Variants in DHRSX observed in about 807,000 individuals in gnomAD.
DHRSX encodes dehydrogenase/reductase X-linked.
DHRSX carries 31 observed loss-of-function variants against 34.0 expected under a neutral mutation model. The ratio of observed to expected loss-of-function variants is 0.91; its 90% CI spans 0.69 to 1.23. The LOEUF (loss-of-function observed/expected upper bound fraction) is 1.23. Among genes scored for constraint, DHRSX ranks in the 50% most tolerant of loss-of-function variants. The pLI is 0.00. For synonymous variants in DHRSX, 201 were observed against 183.8 expected (o/e 1.09, Z -0.76); for missense variants, 414 against 428.1 (o/e 0.97, Z 0.29).
At chrX:2,240,077 G>A (rs1342008555) in intron 6 of DHRSX, among the ~76,000 whole-genome samples, 5 of 151,796 alleles carry the variant, frequency 3.3e-5, no homozygotes, top group African/African-American at 4.8e-5. Flanking sequence ...CGGATCACCC[G>A]AAGTCAGGAG....
At position 2,457,975 on chromosome X, in the gene DHRSX, G is replaced by A. The variant is rs1275452404; in HGVS notation, c.110-32671C>T. Reference sequence around the variant, plus strand: ...AGACATTCCCTAAGCTTGTGGCTAAGGGACCACCGCAGTGTGCACACTGAA... The same window carrying A: ...AGACATTCCCTAAGCTTGTGGCTAAAGGACCACCGCAGTGTGCACACTGAA... On this transcript the variant is annotated intron_variant, in intron 1 of 6. Transcript: ENST00000334651. Among the ~76,000 whole-genome samples the A allele has an allele frequency of 5.3e-5, 8 of 150,706 alleles. 1 individual carries two copies. The highest frequency in any genetic ancestry group is 1.2e-4 in the Non-Finnish European group (8 of 67,660).
intron 3 of DHRSX, among the ~76,000 whole-genome samples, chrX:2,301,265 T>G (rs1389817508): frequency 1.3e-5 from 2 of 152,116 alleles, no homozygotes; most frequent in Non-Finnish European, 2.9e-5. Flanking sequence ...ATATAAAACT[T>G]AGCTGGGCAT....
chrX:2,235,735 A>G (rs1253434253), intron 6 of DHRSX, among the ~76,000 whole-genome samples: 1 of 41,372 alleles, frequency 2.4e-5, no homozygotes, highest in African/African-American at 1.0e-4. Context: ...AGAGCATCTC[A>G]GGGGAAAAAA....
intron 6 of DHRSX, among the ~76,000 whole-genome samples, chrX:2,237,912 C>A (rs1191290661): frequency 1.3e-5 from 2 of 152,042 alleles, no homozygotes; most frequent in Non-Finnish European, 2.9e-5. Context: ...GTAGGGGGTA[C>A]TGAGTTTCAC....
intron 3 of DHRSX, among the ~76,000 whole-genome samples, chrX:2,336,230 G>C (rs1055910079): frequency 9.9e-5 from 15 of 151,832 alleles, no homozygotes; most frequent in Admixed American, 2.6e-4. Context: ...GGATGGTCTC[G>C]ATCTACTGAC....
intron 5 of DHRSX, among the ~76,000 whole-genome samples, chrX:2,254,843 A>G (rs1306225859): frequency 6.7e-6 from 1 of 149,898 alleles, no homozygotes; most frequent in Non-Finnish European, 1.5e-5. Context: ...GTGGGGTTTC[A>G]CCACATTGGC....
chrX:2,256,801 AAGC>A (rs2041285951), intron 5 of DHRSX, among the ~76,000 whole-genome samples: 2 of 152,158 alleles, frequency 1.3e-5, no homozygotes, highest in African/African-American at 2.4e-5. Context: ...CAAAAAAAAA[AAGC>A]AGTATATTTT....
At chrX:2,258,734 G>A (rs1333253294) in intron 5 of DHRSX, among the ~76,000 whole-genome samples, 1 of 152,128 alleles carries the variant, frequency 6.6e-6, no homozygotes, top group Non-Finnish European at 1.5e-5. Flanking sequence ...CCTAAGCTAT[G>A]AACGATGAAA....
chrX:2,356,664 C>T (rs1427381315), intron 3 of DHRSX, among the ~76,000 whole-genome samples: 1 of 152,132 alleles, frequency 6.6e-6, no homozygotes, highest in Non-Finnish European at 1.5e-5. Context: ...AAAGCCAGAC[C>T]AACCTCCCTC....
At chrX:2,483,735 G>T (rs2044810097) in intron 1 of DHRSX, among the ~76,000 whole-genome samples, 1 of 148,448 alleles carries the variant, frequency 6.7e-6, no homozygotes, top group South Asian at 2.1e-4. Flanking sequence ...TCTCAAACCA[G>T]GACAAATAAG....
intron 3 of DHRSX, among the ~76,000 whole-genome samples, chrX:2,399,742 AC>A (rs376949771): frequency 0.45 from 43,673 of 97,112 alleles, 11,652 homozygotes; most frequent in Middle Eastern, 0.62. Flanking sequence ...AAAAAAAAAA[AC>A]AAAAAAACAC....
chrX:2,368,449 G>A (rs1357386226), intron 3 of DHRSX, among the ~76,000 whole-genome samples: 1 of 152,100 alleles, frequency 6.6e-6, no homozygotes, highest in Admixed American at 6.6e-5. Flanking sequence ...TGTGTGAAAT[G>A]TTTTATAATG....
At chrX:2,430,077 T>C (rs150419116) in intron 1 of DHRSX, among the ~76,000 whole-genome samples, 410 of 151,004 alleles carry the variant, frequency 2.7e-3, no homozygotes, top group African/African-American at 9.3e-3. Flanking sequence ...GCAAAACCTA[T>C]ATCAGGAAAC....
chrX:2,468,416 C>T (rs1011760011), intron 1 of DHRSX, among the ~76,000 whole-genome samples: 7 of 150,606 alleles, frequency 4.6e-5, no homozygotes, highest in Non-Finnish European at 8.9e-5. Flanking sequence ...ACAGAGGAAA[C>T]GGATACCACA....
At position 2,489,495 on chromosome X, in the gene DHRSX, C is replaced by T. The variant is rs773951450; in HGVS notation, c.109+11322G>A. ...GGGTACCTGGAGGCCGACAGCATCT[C>T]GGCCACCTGCTTGAAGGGCTGCAGG... On this transcript the variant is annotated intron_variant, in intron 1 of 6. Transcript: ENST00000334651. 22 of 1,613,432 alleles carry T rather than the reference C, an allele frequency of 1.4e-5. No individual in the cohort carries two copies. In the Admixed American group the frequency reaches 2.3e-4, roughly 17 times the overall value.
chrX:2,359,241 C>A (rs1174856234), intron 3 of DHRSX, among the ~76,000 whole-genome samples: 1 of 152,180 alleles, frequency 6.6e-6, no homozygotes, highest in Non-Finnish European at 1.5e-5. Context: ...TCAGCAATCC[C>A]ATGCCTGGGT....
At chrX:2,479,784 A>C (rs1225644857) in intron 1 of DHRSX, among the ~76,000 whole-genome samples, 1 of 151,920 alleles carries the variant, frequency 6.6e-6, no homozygotes, top group Non-Finnish European at 1.5e-5. Flanking sequence ...CACACTGTAG[A>C]CGTTCCCTAA....
At position 2,462,564 on chromosome X, in the gene DHRSX, G is replaced by A. The variant is rs1288828116; in HGVS notation, c.110-37260C>T. The stretch of plus-strand genomic sequence containing the variant: ...AAAAAAACAATGTTAGATAGTATCG[G>A]ACATGCTGGGTTGGACACAGGACTG... On this transcript the variant is annotated intron_variant, in intron 1 of 6. Coordinates refer to ENST00000334651, the MANE Select transcript of DHRSX (RefSeq NM_145177.3). Among the ~76,000 whole-genome samples, 6 of 151,974 alleles carry A rather than the reference G, an allele frequency of 3.9e-5. 1 individual carries two copies. The South Asian group carries it at 6.2e-4, about 16-fold the overall frequency.
chrX:2,224,312 G>A lies in DHRSX; in HGVS notation c.805-3083C>T, dbSNP rs1603473240. ...TTGTTGAACAAACTCAGCACTCTCT[G>A]GAAGGAGGCTTCCTCTTTGTGGTTC... On this transcript the variant is annotated intron_variant, in intron 6 of 6. Coordinates refer to ENST00000334651, the MANE Select transcript of DHRSX (RefSeq NM_145177.3). Among the ~76,000 whole-genome samples the A allele has an allele frequency of 2.6e-5, 4 of 152,288 alleles. 1 individual carries two copies. Among genetic ancestry groups the A allele is most frequent in the Admixed American group, 2.6e-4 (4 of 15,276 alleles).
Sources: allele counts gnomAD v4.1 joint callset (sites outside exome capture counted in the v4.1 genomes callset), GRCh38; gene constraint gnomAD v4.1.1; transcripts MANE v1.5; gene names NCBI Gene and HGNC (gene_info 2026-07-23, HGNC 2026-07-21).